CDH3: variants seen among roughly 807,000 people sequenced by gnomAD.
CDH3 encodes cadherin 3, also known as cadherin-3.
In CDH3, 54 loss-of-function variants were observed where a neutral mutation model predicts 82.0. The ratio of observed to expected loss-of-function variants is 0.66; its 90% confidence interval spans 0.53 to 0.83. The LOEUF is 0.83. CDH3 is among the 40% of genes least tolerant of loss of function. CDH3 has a pLI of 0.00. For missense variants in CDH3, 1,054 were observed against 1,084.6 expected, an observed-to-expected ratio of 0.97 and a Z score of 0.40; for synonymous variants, 446 against 437.9, an observed-to-expected ratio of 1.02 and a Z score of -0.23.
At chr16:68,664,101 C>A (rs1427719846) in intron 2 of CDH3, among the ~76,000 whole-genome samples, 1 of 152,010 alleles carries the variant, frequency 6.6e-6, no homozygotes, top group African/African-American at 2.4e-5. Context: ...TAATTGAGCC[C>A]AGGCACTCTG....
chr16:68,712,560 G>A (rs551653117), intron 1 of CDH3, among the ~76,000 whole-genome samples: 1 of 152,118 alleles, frequency 6.6e-6, no homozygotes, highest in African/African-American at 2.4e-5. Flanking sequence ...ATCTTTCTAA[G>A]ATGAAAATCC....
intron 3 of CDH3, among the ~76,000 whole-genome samples, chr16:68,677,787 G>C (rs1034762899): frequency 6.6e-6 from 1 of 152,174 alleles, no homozygotes; most frequent in Non-Finnish European, 1.5e-5. Flanking sequence ...GGCACATAGA[G>C]AGCATACTCA....
rs768402984 is a variant in CDH3, at chr16:68,678,570, C to A, written c.460C>A (p.Pro154Thr). The change falls in exon 5 of 16, where the codon CCT becomes ACT. Residue 154 changes from proline to threonine, a missense_variant. By Grantham distance (38) the Pro-to-Thr change is conservative. Coordinates refer to ENST00000264012, the MANE Select transcript of CDH3 (RefSeq NM_001793.6). ...SITGPGADSP[P>T]EGVFAVEKET... ...CACGGGGCCGGGGGCAGACAGCCCC[C>A]CTGAGGGTGTCTTCGCTGTAGAGAA... 4.3e-6 allele frequency: 7 copies of A among 1,614,196 alleles called. No homozygotes were observed. Among genetic ancestry groups the A allele is most frequent in the African/African-American group, 1.3e-5 (1 of 75,058 alleles).
rs1567450117 is a variant in CDH3, at chr16:68,682,347, A to G, written c.1042A>G (p.Arg348Gly). The G allele has an allele frequency of 6.2e-7, 1 of 1,614,022 alleles. No homozygotes were observed. The change falls in exon 9 of 16, where the codon AGG becomes GGG. Residue 348 changes from arginine to glycine, a missense_variant. Transcript: ENST00000264012. ...GAATGCAGTGGGCCATGAGGTGCAGAGGCTGACGGTCACTGATCTGGACGC... is the reference window on the plus strand; with the variant it reads ...GAATGCAGTGGGCCATGAGGTGCAGGGGCTGACGGTCACTGATCTGGACGC... ...PENAVGHEVQ[R>G]LTVTDLDAPN...
chr16:68,729,664 C>CG (rs1962262371), downstream of CDH3, among the ~76,000 whole-genome samples: 1 of 152,092 alleles, frequency 6.6e-6, no homozygotes, highest in Non-Finnish European at 1.5e-5. Context: ...GACAGAGTCT[C>CG]CTCTCTTGCC....
At chr16:68,703,302 C>T (rs916293361), downstream of CDH3, among the ~76,000 whole-genome samples, 2 of 152,138 alleles carry the variant, frequency 1.3e-5, no homozygotes, top group Non-Finnish European at 2.9e-5. Context: ...TAGGCATGGA[C>T]CTCACTCACT....
intron 2 of CDH3, among the ~76,000 whole-genome samples, chr16:68,648,761 T>C (rs1960153372): frequency 6.6e-6 from 1 of 152,122 alleles, no homozygotes; most frequent in Admixed American, 6.5e-5. Flanking sequence ...CTGGCATTTT[T>C]TACTACCAGA....
intron 1 of CDH3, among the ~76,000 whole-genome samples, chr16:68,721,271 C>T (rs1358946281): frequency 7.9e-6 from 1 of 125,798 alleles, no homozygotes; most frequent in Admixed American, 1.0e-4. Context: ...TCGCTGTTGT[C>T]GGCCTGGGCT....
intron 11 of CDH3, 137 bp from the exon 12 acceptor site, chr16:68,687,375 G>C: frequency 1.5e-6 from 1 of 680,598 alleles, no homozygotes; most frequent in African/African-American, 1.8e-5. Context: ...GGCTCAACTG[G>C]CATGTATGTG....
At chr16:68,724,288 A>G (rs1962195822) in intron 2 of CDH3, among the ~76,000 whole-genome samples, 1 of 151,712 alleles carries the variant, frequency 6.6e-6, no homozygotes, top group African/African-American at 2.4e-5. Flanking sequence ...CCCTTTTTTG[A>G]AGGGAATTTA....
At chr16:68,666,127 C>G (rs894873276) in intron 2 of CDH3, among the ~76,000 whole-genome samples, 1 of 151,974 alleles carries the variant, frequency 6.6e-6, no homozygotes, top group African/African-American at 2.4e-5. Flanking sequence ...TCACCACTCA[C>G]TCTCCAGGCT....
chr16:68,664,938 C>T (rs1400961335), intron 2 of CDH3, among the ~76,000 whole-genome samples: 6 of 152,272 alleles, frequency 3.9e-5, no homozygotes, highest in Non-Finnish European at 7.3e-5. Context: ...GCATGAGCCA[C>T]TGTGCCTAGC....
At chr16:68,727,400 A>C (rs969701923) in exon 3 of CDH3, among the ~76,000 whole-genome samples, 1 of 152,128 alleles carries the variant, frequency 6.6e-6, no homozygotes, top group Non-Finnish European at 1.5e-5. Flanking sequence ...CTCTCTCTGT[A>C]TATATCCTAT....
intron 2 of CDH3, among the ~76,000 whole-genome samples, chr16:68,674,852 C>T (rs757063756): frequency 5.3e-5 from 8 of 152,184 alleles, no homozygotes; most frequent in Non-Finnish European, 1.0e-4. Context: ...CAGTGGCTCA[C>T]GCCTGTAATC....
rs1258812619 is a variant in CDH3, at chr16:68,691,720, G to A, written c.1796G>A (p.Gly599Asp). The stretch of plus-strand genomic sequence containing the variant: ...CTAATCAATGATCTGTTCACTCCAG[G>A]TGACACAGTGGTCTTGTCCCTGAAG... ...IYWTAEVNEE[G>D]DTVVLSLKKF... The change falls in exon 13 of 16, where the codon GGT becomes GAT. Residue 599 changes from glycine (G) to aspartate (D), a missense_variant and splice_region_variant. By Grantham distance (94) the Gly-to-Asp change is moderately conservative (BLOSUM62 -1). Coordinates refer to ENST00000264012, the MANE Select transcript of CDH3 (RefSeq NM_001793.6). The A allele has an allele frequency of 6.2e-7, 1 of 1,612,804 alleles. No homozygotes were observed. The highest frequency in any genetic ancestry group is 1.7e-5 in the Admixed American group (1 of 60,014).
At chr16:68,661,857 T>G (rs888593124) in intron 2 of CDH3, among the ~76,000 whole-genome samples, 2 of 152,116 alleles carry the variant, frequency 1.3e-5, no homozygotes, top group African/African-American at 4.8e-5. Context: ...CCTGGCTAAT[T>G]TTTTTGTGTT....
At chr16:68,731,511 CAT>C (rs1445246607), downstream of CDH3, among the ~76,000 whole-genome samples, 3 of 54,994 alleles carry the variant, frequency 5.5e-5, no homozygotes, top group African/African-American at 2.0e-4. Context: ...TACACACACA[CAT>C]ATACACACAC....
At chr16:68,668,092 T>A (rs1960786319) in intron 2 of CDH3, among the ~76,000 whole-genome samples, 1 of 152,218 alleles carries the variant, frequency 6.6e-6, no homozygotes, top group Non-Finnish European at 1.5e-5. Context: ...ATTGACCTTG[T>A]AATTCAGAAT....
intron 1 of CDH3, among the ~76,000 whole-genome samples, chr16:68,717,688 G>T (rs186792062): frequency 4.9e-4 from 74 of 151,916 alleles, no homozygotes; most frequent in African/African-American, 1.8e-3. Flanking sequence ...CAGGAGAATC[G>T]CTTGAACCTG....
Sources: allele counts gnomAD v4.1 joint callset (sites outside exome capture counted in the v4.1 genomes callset), GRCh38; gene constraint gnomAD v4.1.1; transcripts MANE v1.5; gene names NCBI Gene and HGNC (gene_info 2026-07-23, HGNC 2026-07-21).